The following YTHDC2 variants were observed in gnomAD, a reference collection of about 807,000 sequenced individuals.
The protein encoded by YTHDC2 is YTH N6-methyladenosine RNA binding protein C2.
Under a neutral mutation model 174.9 loss-of-function variants are expected in YTHDC2, and 45 were observed. The observed-to-expected ratio is 0.26, with a 90% CI of 0.20 to 0.33. The LOEUF (loss-of-function observed/expected upper bound fraction) is 0.33, where lower values mean the gene tolerates loss of function less well. Ranked by LOEUF, YTHDC2 falls within the 10% of genes least tolerant of loss-of-function variation. The probability of loss-of-function intolerance (pLI) is 1.00; values close to 1 mark genes in which losing one functional copy is unlikely to be tolerated. For synonymous variants in YTHDC2, 657 were observed against 574.5 expected (o/e 1.14, Z -2.05); for missense variants, 1,650 against 1,723.7 (o/e 0.96, Z 0.76).
chr5:113,593,402 T>C lies in YTHDC2; in HGVS notation c.*7+12T>C, dbSNP rs1470693039. 1.3e-6 allele frequency: 2 copies of C among 1,595,442 alleles called. No homozygotes were observed. The highest frequency in any genetic ancestry group is 3.4e-5 in the Admixed American group (2 of 59,428). Reference sequence around the variant, plus strand: ...TGATTGACACTCAGGTTATACCATCTTGACTTTGAGTATTGGCAGTATTTG... The same window carrying C: ...TGATTGACACTCAGGTTATACCATCCTGACTTTGAGTATTGGCAGTATTTG... On this transcript the variant is annotated intron_variant, in intron 29 of 29. Coordinates refer to ENST00000161863, the MANE Select transcript of YTHDC2 (RefSeq NM_022828.5).
Position 113,591,992 on chromosome 5 carries a change from A to C in YTHDC2, c.4030-4A>C. 3 of 1,599,844 alleles carry C rather than the reference A, an allele frequency of 1.9e-6. No homozygotes were observed. Among genetic ancestry groups the C allele is most frequent in the Non-Finnish European group, 1.7e-6 (2 of 1,172,526 alleles). ...TCTATTCCTTCCTCCCATTTTACCTACAGGGATTTTCTAGGATGTCTTCTG... is the reference window on the plus strand; with the variant it reads ...TCTATTCCTTCCTCCCATTTTACCTCCAGGGATTTTCTAGGATGTCTTCTG... On this transcript the variant is annotated splice_region_variant and splice_polypyrimidine_tract_variant and intron_variant, in intron 27 of 29. Transcript: ENST00000161863.
At chr5:113,585,549 A>G (rs1778633188) in intron 26 of YTHDC2, among the ~76,000 whole-genome samples, 1 of 152,004 alleles carries the variant, frequency 6.6e-6, no homozygotes, top group African/African-American at 2.4e-5. Context: ...ATTTTGGCAA[A>G]TGTATACAAT....
At chr5:113,591,460 A>G (rs1580664409) in intron 27 of YTHDC2, among the ~76,000 whole-genome samples, 1 of 152,146 alleles carries the variant, frequency 6.6e-6, no homozygotes, top group African/African-American at 2.4e-5. Flanking sequence ...CAGGTAAACT[A>G]TGTTTCCTTC....
At chr5:113,516,341 G>A (rs7717644) in intron 2 of YTHDC2, among the ~76,000 whole-genome samples, 48,251 of 152,000 alleles carry the variant, frequency 0.32, 9,462 homozygotes, top group African/African-American at 0.54. Context: ...TGGTACAGGA[G>A]GAAATTGTTT....
chr5:113,525,195 A>C lies in YTHDC2; in HGVS notation c.475+18A>C. On this transcript the variant is annotated intron_variant, in intron 3 of 29. Coordinates refer to ENST00000161863, the MANE Select transcript of YTHDC2 (RefSeq NM_022828.5). ...TGAAGCTGGTATGTATTTTCTGGGGAGCTTCCTCATTTACCCTATTATTTG... is the reference window on the plus strand; with the variant it reads ...TGAAGCTGGTATGTATTTTCTGGGGCGCTTCCTCATTTACCCTATTATTTG... The C allele has an allele frequency of 6.5e-7, 1 of 1,544,818 alleles. No individual in the cohort carries two copies.
chr5:113,556,802 T>C (rs1432373019), intron 17 of YTHDC2, among the ~76,000 whole-genome samples: 1 of 152,212 alleles, frequency 6.6e-6, no homozygotes, highest in Non-Finnish European at 1.5e-5. Context: ...ATCCTGAGTA[T>C]GCTTGCACAC....
Position 113,553,249 on chromosome 5 carries a change from C to A in YTHDC2, c.1757C>A (p.Ala586Asp), listed in dbSNP as rs1426301585. 2.5e-6 allele frequency: 4 copies of A among 1,600,638 alleles called. No homozygotes were observed. In the East Asian group the frequency reaches 9.0e-5, roughly 36 times the overall value. Reference sequence around the variant, plus strand: ...CAAACAAATGGAAGTGACCTCAGTGCTGAAGACAGAGAGCTCCTGAAAGCT... The same window carrying A: ...CAAACAAATGGAAGTGACCTCAGTGATGAAGACAGAGAGCTCCTGAAAGCT... Reference protein sequence around the residue: ...LVQTNGSDLSAEDRELLKAYH... With the variant: ...LVQTNGSDLSDEDRELLKAYH... Residue 586 changes from alanine to aspartate, a missense_variant, in exon 13 of 30, where the codon GCT becomes GAT. Coordinates refer to ENST00000161863, the MANE Select transcript of YTHDC2 (RefSeq NM_022828.5).
At position 113,513,762 on chromosome 5, in the gene YTHDC2, C is replaced by T; in HGVS notation, c.-134C>T. The stretch of plus-strand genomic sequence containing the variant: ...TGCTGTGGCGGTGACTGAGGCCTTT[C>T]TGGTGACCTCAGCCCAACACAGGCC... On this transcript the variant is annotated 5_prime_UTR_variant, in exon 1 of 30. Transcript: ENST00000161863. 1 of 954,466 alleles carries T rather than the reference C, an allele frequency of 1.0e-6. No individual in the cohort carries two copies. Among genetic ancestry groups the T allele is most frequent in the South Asian group, 1.8e-5 (1 of 55,000 alleles). 59.1% of individuals were successfully genotyped at this position (954,466 alleles called of 1,614,324 possible). A position where few individuals can be genotyped will look rare whatever the true frequency, so the allele number is the denominator to read the frequency against.
intron 12 of YTHDC2, among the ~76,000 whole-genome samples, chr5:113,551,615 G>A (rs1776256948): frequency 6.6e-6 from 1 of 152,048 alleles, no homozygotes; most frequent in East Asian, 1.9e-4. Flanking sequence ...GAGGGGTTCC[G>A]GGATAGGGGA....
intron 20 of YTHDC2, 102 bp downstream of exon 20, chr5:113,564,233 A>G: frequency 1.5e-6 from 2 of 1,291,284 alleles, no homozygotes; most frequent in Non-Finnish European, 1.0e-6. Context: ...TTAAAATTGC[A>G]TTAATTTTGT....
chr5:113,586,266 G>C (rs1221507932), intron 26 of YTHDC2, among the ~76,000 whole-genome samples: 1 of 151,930 alleles, frequency 6.6e-6, no homozygotes, highest in Non-Finnish European at 1.5e-5. Flanking sequence ...TAATGATGTT[G>C]AGCATCTTTT....
intron 25 of YTHDC2, 100 bp from the exon 26 acceptor site, chr5:113,584,202 T>C: frequency 2.1e-6 from 2 of 961,764 alleles, no homozygotes; most frequent in Non-Finnish European, 3.0e-6. Flanking sequence ...GGACTTTGGA[T>C]TGAAATGGCA....
At position 113,584,065 on chromosome 5, in the gene YTHDC2, C is replaced by G. The variant is rs1310720949; in HGVS notation, c.3648-237C>G. The G allele has an allele frequency of 1.6e-5, 5 of 317,642 alleles. No individual in the cohort carries two copies. The East Asian group carries it at 2.0e-4, about 13-fold the overall frequency. 19.7% of individuals were successfully genotyped at this position (317,642 alleles called of 1,614,324 possible). A position where few individuals can be genotyped will look rare whatever the true frequency, so the allele number is the denominator to read the frequency against. ...TTTAACAGATAAGGAAATTAAAGTT[C>G]CAATAAGTTACGAGGCTTGCTCAGG... On this transcript the variant is annotated intron_variant, in intron 25 of 29. Coordinates refer to ENST00000161863, the MANE Select transcript of YTHDC2 (RefSeq NM_022828.5).
rs139378923 is a variant in YTHDC2 at position 113,588,597 on chromosome 5, C to CATTTATTTATTT, written c.3826-2425_3826-2414dup. Among the ~76,000 whole-genome samples the CATTTATTTATTT allele has an allele frequency of 2.4e-3, 352 of 148,816 alleles. 2 individuals carry two copies. Among genetic ancestry groups the CATTTATTTATTT allele is most frequent in the African/African-American group, 8.3e-3 (336 of 40,400 alleles). On this transcript the variant is annotated intron_variant, in intron 26 of 29. Coordinates refer to ENST00000161863, the MANE Select transcript of YTHDC2 (RefSeq NM_022828.5). ...ATTTGATAGAATTCACTTATGAAGC[C>CATTTATTTATTT]ATTTATTTATTTATTTATTTATTTA...
intron 12 of YTHDC2, 24 bp from the exon 13 acceptor site, chr5:113,553,157 C>CTTTTTTTTTTTTTTTTTTTTTTTGTTT (rs34053583): frequency 9.9e-7 from 1 of 1,010,572 alleles, no homozygotes; most frequent in African/African-American, 2.0e-5. Context: ...TTGACTTTGT[C>CTTTTTTTTTTTTTTTTTTTTTTTGTTT]TTTTTTTTTT....
chr5:113,551,757 A>G (rs1277805649), intron 12 of YTHDC2, among the ~76,000 whole-genome samples: 1 of 152,160 alleles, frequency 6.6e-6, no homozygotes, highest in Non-Finnish European at 1.5e-5. Flanking sequence ...AAGTATAATA[A>G]AACATTTACA....
At chr5:113,557,566 G>C (rs1776695536) in intron 17 of YTHDC2, among the ~76,000 whole-genome samples, 1 of 152,146 alleles carries the variant, frequency 6.6e-6, no homozygotes, top group Admixed American at 6.5e-5. Flanking sequence ...GCCTGAGGTG[G>C]AAGGATCACT....
chr5:113,526,922 A>G (rs975020077), intron 4 of YTHDC2, 137 bp downstream of exon 4: 3 of 211,596 alleles, frequency 1.4e-5, no homozygotes, highest in African/African-American at 7.0e-5. Context: ...ACTTGTGGTT[A>G]TTATAGTAAT....
chr5:113,549,057 C>T (rs1219881647), intron 12 of YTHDC2, 37 bp downstream of exon 12: 2 of 1,530,032 alleles, frequency 1.3e-6, no homozygotes, highest in African/African-American at 1.4e-5. Context: ...ATTCTACCGT[C>T]TCTTAAAAAA....
Sources: gnomAD v4.1 joint callset for allele counts (sites outside exome capture counted in the v4.1 genomes callset) on GRCh38, gnomAD v4.1.1 for gene constraint, MANE v1.5 for transcripts, NCBI Gene and HGNC (gene_info 2026-07-23, HGNC 2026-07-21) for gene names.